The following ASB9 variants were observed in gnomAD, a reference collection of about 807,000 sequenced individuals.
ASB9 encodes ankyrin repeat and SOCS box containing 9.
In ASB9, 5 loss-of-function variants were observed where a neutral mutation model predicts 16.6. The observed-to-expected ratio is 0.30, with a 90% CI of 0.16 to 0.63. The LOEUF is 0.63. Among genes scored for constraint, ASB9 ranks in the 30% least tolerant of loss-of-function variants. The probability of loss-of-function intolerance (pLI) is 0.82; values close to 1 mark genes in which losing one functional copy is unlikely to be tolerated. For missense variants in ASB9, 216 were observed against 229.4 expected (o/e 0.94, Z 0.38); for synonymous variants, 100 against 86.4 (o/e 1.16, Z -0.87).
chrX:15,248,861 C>T lies in ASB9; in HGVS notation c.643G>A (p.Ala215Thr). 8.3e-7 allele frequency: 1 copy of T among 1,211,220 alleles called. No individual in the cohort carries two copies. Among genetic ancestry groups the T allele is most frequent in the Non-Finnish European group, 1.1e-6 (1 of 895,012 alleles). Residue 215 changes from alanine to threonine, a missense_variant, in exon 6 of 7, where the codon GCC becomes ACC. Coordinates refer to ENST00000380488, the MANE Select transcript of ASB9 (RefSeq NM_001031739.3). ...AVARTASEELACLLMDFGADT... is the reference protein window; with the variant it reads ...AVARTASEELTCLLMDFGADT... ...GCTCCAAAATCCATGAGCAGGCAGGCCAGCTCTTCACTGGCTGTCCTGGCC... is the reference window on the plus strand; with the variant it reads ...GCTCCAAAATCCATGAGCAGGCAGGTCAGCTCTTCACTGGCTGTCCTGGCC...
chrX:15,249,050 A>T, intron 5 of ASB9, 115 bp from the exon 6 acceptor site: 1 of 742,336 alleles, frequency 1.3e-6, no homozygotes, highest in Non-Finnish European at 1.9e-6. Context: ...TATTGAGCAC[A>T]GCAATCCTGG....
chrX:15,267,750 A>C (rs867340349), intron 1 of ASB9, among the ~76,000 whole-genome samples: 70 of 54,744 alleles, frequency 1.3e-3, no homozygotes, highest in African/African-American at 5.4e-3. Flanking sequence ...CTTCAAAAAA[A>C]ACAAAAAAAA....
chrX:15,247,134 A>C (rs1924736018), intron 6 of ASB9, among the ~76,000 whole-genome samples: 1 of 111,369 alleles, frequency 9.0e-6, no homozygotes, highest in Admixed American at 9.5e-5. Context: ...CAGAGACAGA[A>C]ACTGCTGTGA....
intron 3 of ASB9, 82 bp from the exon 4 acceptor site, chrX:15,252,486 A>C: frequency 1.1e-6 from 1 of 917,521 alleles, no homozygotes; most frequent in Non-Finnish European, 1.5e-6. Flanking sequence ...TGAAGATGTT[A>C]TTTAACATCT....
At chrX:15,267,961 C>T (rs1346667066) in intron 1 of ASB9, among the ~76,000 whole-genome samples, 19 of 110,519 alleles carry the variant, frequency 1.7e-4, no homozygotes, top group African/African-American at 6.3e-4. Context: ...GGCTAGTCTA[C>T]TCAGTCAAAG....
At chrX:15,262,434 T>G (rs375916560) in intron 1 of ASB9, among the ~76,000 whole-genome samples, 24 of 111,918 alleles carry the variant, frequency 2.1e-4, no homozygotes, top group African/African-American at 7.8e-4. Flanking sequence ...ATAAAGTCAT[T>G]TCAGTTCAGG....
chrX:15,249,869 C>G (rs953905519), intron 5 of ASB9, among the ~76,000 whole-genome samples: 7 of 111,295 alleles, frequency 6.3e-5, no homozygotes, highest in African/African-American at 1.6e-4. Context: ...ATTACTGAAG[C>G]CTTAAAGAAT....
At chrX:15,264,845 G>A (rs1926257329) in intron 1 of ASB9, among the ~76,000 whole-genome samples, 1 of 112,007 alleles carries the variant, frequency 8.9e-6, no homozygotes. Context: ...GAGGTGGAAA[G>A]TCTAGGAGGG....
chrX:15,262,318 A>G (rs913456902), intron 1 of ASB9, among the ~76,000 whole-genome samples: 2 of 112,032 alleles, frequency 1.8e-5, no homozygotes, highest in African/African-American at 6.5e-5. Flanking sequence ...ACCTAAAAGA[A>G]TTGCTGTATG....
At chrX:15,262,841 A>G (rs1842302) in intron 1 of ASB9, among the ~76,000 whole-genome samples, 15,497 of 111,572 alleles carry the variant, frequency 0.14, 1,155 homozygotes, top group African/African-American at 0.29. Context: ...CATGTTGGCC[A>G]GGCTGGTCTC....
At chrX:15,268,116 G>C (rs1159506382) in intron 1 of ASB9, among the ~76,000 whole-genome samples, 1 of 111,101 alleles carries the variant, frequency 9.0e-6, no homozygotes, top group Non-Finnish European at 1.9e-5. Flanking sequence ...CAGATCACCT[G>C]AGGTCAGGAG....
intron 1 of ASB9, among the ~76,000 whole-genome samples, chrX:15,267,425 T>TTAAAAAAA (rs377056337): frequency 1.1e-4 from 10 of 87,623 alleles, no homozygotes; most frequent in East Asian, 3.6e-4. Context: ...AAAATATATA[T>TTAAAAAAA]ATATATATAA....
intron 1 of ASB9, among the ~76,000 whole-genome samples, chrX:15,265,569 A>G (rs1327867374): frequency 9.0e-6 from 1 of 110,610 alleles, no homozygotes; most frequent in African/African-American, 3.3e-5. Flanking sequence ...TTCACCTGGG[A>G]GTTTGTTATG....
In ASB9 at chrX:15,252,350, C is replaced by T. The variant is rs750778617; in HGVS notation, c.337G>A (p.Gly113Ser). ...AGCAAATTCACACAATCCCAGCTGC[C>T]GCTGACACAAGCATTAAACAGTGGA... ...HTPLFNACVSGSWDCVNLLLQ... is the reference protein window; with the variant it reads ...HTPLFNACVSSSWDCVNLLLQ... Residue 113 changes from glycine (G) to serine (S), a missense_variant, in exon 4 of 7, where the codon GGC (glycine) becomes AGC (serine). Physicochemically the swap from Gly to Ser is moderately conservative, Grantham distance 56 (BLOSUM62 0). Transcript: ENST00000380488. The T allele has an allele frequency of 7.4e-6, 9 of 1,209,417 alleles. No individual in the cohort carries two copies. Among genetic ancestry groups the T allele is most frequent in the East Asian group, 3.0e-5 (1 of 33,774 alleles).
At chrX:15,263,023 C>G (rs1280582282) in intron 1 of ASB9, among the ~76,000 whole-genome samples, 1 of 112,122 alleles carries the variant, frequency 8.9e-6, no homozygotes, top group African/African-American at 3.2e-5. Flanking sequence ...AAATTGTACC[C>G]TCATCAAACC....
At chrX:15,268,708 G>A (rs1428492717) in intron 1 of ASB9, among the ~76,000 whole-genome samples, 1 of 108,120 alleles carries the variant, frequency 9.2e-6, no homozygotes, top group African/African-American at 3.4e-5. Flanking sequence ...GTAAACCACC[G>A]TGCCCCGCCT....
At chrX:15,267,658 G>A (rs868279796) in intron 1 of ASB9, among the ~76,000 whole-genome samples, 30 of 97,966 alleles carry the variant, frequency 3.1e-4, no homozygotes, top group South Asian at 1.6e-3. Context: ...CAGGAAAGTC[G>A]CTTGAACACG....
In ASB9 at chrX:15,245,910, C is replaced by T. The variant is rs754099289; in HGVS notation, c.761-1280G>A. On this transcript the variant is annotated intron_variant, in intron 6 of 6. Coordinates refer to ENST00000380488, the MANE Select transcript of ASB9 (RefSeq NM_001031739.3). ...AAAAAAATACTTGCAGTATTTTAAA[C>T]CAGGCCCTAACAGAAGGGCCCTGTT... Among the ~76,000 whole-genome samples the T allele has an allele frequency of 2.7e-5, 3 of 112,035 alleles. No homozygotes were observed. The East Asian group carries it at 8.4e-4, about 31-fold the overall frequency.
chrX:15,264,364 G>A (rs922524462), intron 1 of ASB9, among the ~76,000 whole-genome samples: 2 of 111,246 alleles, frequency 1.8e-5, no homozygotes, highest in African/African-American at 6.6e-5. Context: ...GAGGCACGGG[G>A]GTTAAGAACT....
Sources: gnomAD v4.1 joint callset for allele counts (sites outside exome capture counted in the v4.1 genomes callset) on GRCh38, gnomAD v4.1.1 for gene constraint, MANE v1.5 for transcripts, NCBI Gene and HGNC (gene_info 2026-07-23, HGNC 2026-07-21) for gene names.